NELL2: variants seen among roughly 807,000 people sequenced by gnomAD.
NELL2 encodes protein kinase C-binding protein NELL2.
In NELL2, 41 loss-of-function variants were observed where a neutral mutation model predicts 109.6. The ratio of observed to expected loss-of-function variants is 0.37; its 90% CI spans 0.29 to 0.49. NELL2 has a LOEUF of 0.49. NELL2 is among the 20% of genes least tolerant of loss of function. The pLI, the probability that NELL2 is intolerant of heterozygous loss-of-function variation, is 0.98. For synonymous variants in NELL2, 355 were observed against 344.7 expected, an observed-to-expected ratio of 1.03 and a Z score of -0.33; for missense variants, 900 against 1,008.3, an observed-to-expected ratio of 0.89 and a Z score of 1.45.
intron 12 of NELL2, among the ~76,000 whole-genome samples, chr12:44,690,948 T>C (rs1418591770): frequency 6.6e-6 from 1 of 152,190 alleles, no homozygotes; most frequent in African/African-American, 2.4e-5. Context: ...TGACTTAATT[T>C]ATTATTTCTT....
intron 12 of NELL2, among the ~76,000 whole-genome samples, chr12:44,685,314 A>C (rs544575034): frequency 0.072 from 10,898 of 151,620 alleles, 1,289 homozygotes; most frequent in African/African-American, 0.25. Flanking sequence ...GTGTCTCTGC[A>C]CGTGAGATGG....
At chr12:44,548,878 T>C (rs1222366114) in intron 15 of NELL2, among the ~76,000 whole-genome samples, 1 of 152,228 alleles carries the variant, frequency 6.6e-6, no homozygotes, top group African/African-American at 2.4e-5. Flanking sequence ...CTATGGAAGT[T>C]GATTATAAAA....
chr12:44,858,418 A>G (rs998678494), intron 2 of NELL2, among the ~76,000 whole-genome samples: 1 of 152,118 alleles, frequency 6.6e-6, no homozygotes, highest in Non-Finnish European at 1.5e-5. Flanking sequence ...TGGGTTACTC[A>G]CCCTTTCCCA....
At chr12:44,890,219 G>A (rs1401620446) in intron 1 of NELL2, among the ~76,000 whole-genome samples, 2 of 152,194 alleles carry the variant, frequency 1.3e-5, no homozygotes, top group East Asian at 3.8e-4. Flanking sequence ...GAGCTGCTGA[G>A]TGAGCAAGAA....
At chr12:44,722,690 G>A (rs937818951) in intron 9 of NELL2, among the ~76,000 whole-genome samples, 2 of 152,084 alleles carry the variant, frequency 1.3e-5, no homozygotes, top group African/African-American at 4.8e-5. Context: ...TTTAAATCAG[G>A]AAAAGAGTAC....
At chr12:44,833,583 A>G (rs1219696758) in intron 2 of NELL2, among the ~76,000 whole-genome samples, 1 of 152,214 alleles carries the variant, frequency 6.6e-6, no homozygotes, top group African/African-American at 2.4e-5. Context: ...GAAGGGTTCA[A>G]TAAAAATTTG....
At chr12:44,865,606 T>C (rs1248474856) in intron 2 of NELL2, among the ~76,000 whole-genome samples, 1 of 95,852 alleles carries the variant, frequency 1.0e-5, no homozygotes, top group African/African-American at 4.0e-5. Context: ...AGGTGGGAAT[T>C]GAACAATGAG....
intron 9 of NELL2, among the ~76,000 whole-genome samples, chr12:44,733,756 G>A (rs1939496570): frequency 6.6e-6 from 1 of 151,888 alleles, no homozygotes; most frequent in African/African-American, 2.4e-5. Flanking sequence ...AAGGAAGTAG[G>A]GAAGGAAGGG....
chr12:44,917,572 C>T (rs1213108945), upstream of NELL2, among the ~76,000 whole-genome samples: 1 of 152,148 alleles, frequency 6.6e-6, no homozygotes, highest in Non-Finnish European at 1.5e-5. Flanking sequence ...TGTATAATCC[C>T]CTCCCATTGA....
At chr12:44,904,816 C>T (rs541067157) in intron 1 of NELL2, among the ~76,000 whole-genome samples, 11 of 151,762 alleles carry the variant, frequency 7.2e-5, no homozygotes, top group Non-Finnish European at 1.3e-4. Flanking sequence ...TTTTAGTATA[C>T]TAAAAAGTAC....
At chr12:44,789,900 G>C (rs887660901) in intron 3 of NELL2, among the ~76,000 whole-genome samples, 2 of 151,990 alleles carry the variant, frequency 1.3e-5, no homozygotes, top group Non-Finnish European at 2.9e-5. Context: ...CAAGGTCTTC[G>C]AATTAACCCA....
At chr12:44,779,640 C>T (rs750757576) in intron 5 of NELL2, 23 bp downstream of exon 5, 76 of 1,579,130 alleles carry the variant, frequency 4.8e-5, no homozygotes, top group Non-Finnish European at 6.4e-5. Flanking sequence ...ACATTTCATT[C>T]TCAGACTTTT....
At chr12:44,542,591 G>A (rs771908662) in intron 15 of NELL2, among the ~76,000 whole-genome samples, 26 of 152,034 alleles carry the variant, frequency 1.7e-4, no homozygotes, top group Non-Finnish European at 3.2e-4. Context: ...AAATCACCCT[G>A]GACTTAAGAT....
intron 2 of NELL2, among the ~76,000 whole-genome samples, chr12:44,835,152 C>T (rs1336983090): frequency 6.6e-6 from 1 of 152,058 alleles, no homozygotes; most frequent in Admixed American, 6.5e-5. Flanking sequence ...CGGCAGGTAC[C>T]GTACACACCC....
intron 13 of NELL2, 76 bp downstream of exon 13, chr12:44,665,408 A>C: frequency 7.5e-7 from 1 of 1,328,298 alleles, no homozygotes; most frequent in South Asian, 1.6e-5. Flanking sequence ...TTATCAAAAA[A>C]ATGAGAGTCA....
At chr12:44,745,771 C>A (rs1463770288) in intron 9 of NELL2, among the ~76,000 whole-genome samples, 2 of 152,136 alleles carry the variant, frequency 1.3e-5, no homozygotes, top group African/African-American at 4.8e-5. Context: ...AGGACAACTA[C>A]AAACCACTGC....
intron 2 of NELL2, among the ~76,000 whole-genome samples, chr12:44,855,527 A>T (rs1319902874): frequency 6.6e-6 from 1 of 152,118 alleles, no homozygotes; most frequent in African/African-American, 2.4e-5. Context: ...ATCATCCCTC[A>T]TCTGGCATAG....
intron 13 of NELL2, among the ~76,000 whole-genome samples, chr12:44,623,600 G>A (rs1946134692): frequency 6.6e-6 from 1 of 152,108 alleles, no homozygotes; most frequent in African/African-American, 2.4e-5. Context: ...GCCTCACAGA[G>A]GGGAGCTCTT....
intron 1 of NELL2, among the ~76,000 whole-genome samples, chr12:44,892,111 T>G (rs1205034842): frequency 6.6e-6 from 1 of 152,226 alleles, no homozygotes; most frequent in East Asian, 1.9e-4. Flanking sequence ...AGAGAATATG[T>G]GCATGGTTGG....
Sources: gnomAD v4.1 joint callset for allele counts (sites outside exome capture counted in the v4.1 genomes callset) on GRCh38, gnomAD v4.1.1 for gene constraint, MANE v1.5 for transcripts, NCBI Gene and HGNC (gene_info 2026-07-23, HGNC 2026-07-21) for gene names.